The following OSBPL8 variants were observed in gnomAD, a reference collection of about 807,000 sequenced individuals.
OSBPL8 encodes oxysterol binding protein like 8.
A neutral mutation model predicts 125.5 loss-of-function variants in OSBPL8; 59 were observed. The observed-to-expected ratio is 0.47, with a 90% CI of 0.38 to 0.58. The LOEUF is 0.58. Ranked by LOEUF, OSBPL8 falls within the 20% of genes least tolerant of loss-of-function variation. OSBPL8 has a pLI of 0.00. For missense variants in OSBPL8, 758 were observed against 1,047.8 expected (o/e 0.72, Z 3.82); for synonymous variants, 330 against 338.9 (o/e 0.97, Z 0.29).
At chr12:76,504,281 A>G (rs1003771600) in intron 1 of OSBPL8, among the ~76,000 whole-genome samples, 3 of 152,064 alleles carry the variant, frequency 2.0e-5, no homozygotes, top group African/African-American at 7.2e-5. Flanking sequence ...GTTTTTCTAG[A>G]GTACCCTGAC....
Position 76,352,214 on chromosome 12 carries a change from T to A in OSBPL8, c.*3675A>T, listed in dbSNP as rs1471425421. The A allele has an allele frequency of 6.6e-6, 1 of 152,588 alleles. No homozygotes were observed. Among genetic ancestry groups the A allele is most frequent in the African/African-American group, 2.4e-5 (1 of 41,458 alleles). 9.5% of individuals were successfully genotyped at this position (152,588 alleles called of 1,614,324 possible). A position where few individuals can be genotyped will look rare whatever the true frequency, so the allele number is the denominator to read the frequency against. Reference sequence around the variant, plus strand: ...TTTTTCTTTAAGTGAAAAATTTTGATACTGTAAAACAGTTTTACATAATAA... The same window carrying A: ...TTTTTCTTTAAGTGAAAAATTTTGAAACTGTAAAACAGTTTTACATAATAA... On this transcript the variant is annotated 3_prime_UTR_variant, in exon 24 of 24. Coordinates refer to ENST00000261183, the MANE Select transcript of OSBPL8 (RefSeq NM_020841.5).
At chr12:76,442,967 T>A (rs1872359437) in intron 4 of OSBPL8, among the ~76,000 whole-genome samples, 1 of 152,152 alleles carries the variant, frequency 6.6e-6, no homozygotes, top group Non-Finnish European at 1.5e-5. Flanking sequence ...GGATATTGAC[T>A]TATCATATTT....
At chr12:76,386,011 A>G in intron 14 of OSBPL8, 157 bp downstream of exon 14, 1 of 1,004,786 alleles carries the variant, frequency 1.0e-6, no homozygotes, top group Non-Finnish European at 1.4e-6. Flanking sequence ...ATTTAGTAGT[A>G]CTTTAGTAGT....
At chr12:76,545,369 T>A (rs921578318) in intron 1 of OSBPL8, among the ~76,000 whole-genome samples, 5 of 152,154 alleles carry the variant, frequency 3.3e-5, no homozygotes, top group Non-Finnish European at 5.9e-5. Context: ...TAGGAAAAAA[T>A]TAATGAATTT....
rs1466159013 is a variant in OSBPL8 at position 76,539,055 on chromosome 12, G to GGC, written c.-68+20341_-68+20342insGC. On this transcript the variant is annotated intron_variant, in intron 1 of 23. Coordinates refer to ENST00000261183, the MANE Select transcript of OSBPL8 (RefSeq NM_020841.5). ...GAGCCTGCTATTAAATAACTGGGGG[G>GGC]GGGGAGGGGGAGGGTAAGTATCCTG... is the stretch of plus-strand genomic sequence containing the variant. Among the ~76,000 whole-genome samples, 4 of 136,322 alleles carry GGC rather than the reference G, an allele frequency of 2.9e-5. No homozygotes were observed. In the East Asian group the frequency reaches 7.9e-4, roughly 27 times the overall value. The allele number at this position is 136,322 out of a possible 152,430, so 89.4% of individuals were successfully genotyped here. A position where few individuals can be genotyped will look rare whatever the true frequency, so the allele number is the denominator to read the frequency against.
chr12:76,380,528 C>A (rs1397580487), intron 15 of OSBPL8, among the ~76,000 whole-genome samples: 406 of 89,076 alleles, frequency 4.6e-3, no homozygotes, highest in Non-Finnish European at 5.3e-3. Context: ...GACACTGTCC[C>A]AAAAAAAAAA....
chr12:76,424,696 A>T (rs1358608281), intron 4 of OSBPL8, among the ~76,000 whole-genome samples: 1 of 152,166 alleles, frequency 6.6e-6, no homozygotes, highest in East Asian at 1.9e-4. Flanking sequence ...AGTAGTACTG[A>T]TATTATAGGA....
At chr12:76,526,633 CTCTTTTTTTTTTTTT>C (rs1252152774) in intron 1 of OSBPL8, among the ~76,000 whole-genome samples, 110 of 106,608 alleles carry the variant, frequency 1.0e-3, no homozygotes, top group South Asian at 2.5e-3. Flanking sequence ...ATCAGTAAAT[CTCTTTTTTTTTTTTT>C]TTTTTTTTTT....
intron 1 of OSBPL8, among the ~76,000 whole-genome samples, chr12:76,496,721 T>C (rs944142627): frequency 3.3e-5 from 5 of 152,018 alleles, no homozygotes; most frequent in African/African-American, 1.2e-4. Context: ...TTTGTATTTT[T>C]AGTAGAGATG....
chr12:76,507,795 G>C (rs1035044235), intron 1 of OSBPL8, among the ~76,000 whole-genome samples: 2 of 151,700 alleles, frequency 1.3e-5, no homozygotes, highest in East Asian at 3.9e-4. Flanking sequence ...TTGCTCTTCA[G>C]CCTGGGCAAC....
chr12:76,500,189 C>T (rs1879758763), intron 1 of OSBPL8, among the ~76,000 whole-genome samples: 1 of 152,202 alleles, frequency 6.6e-6, no homozygotes, highest in East Asian at 1.9e-4. Flanking sequence ...AATTATTTTG[C>T]TTATACTTGC....
intron 1 of OSBPL8, among the ~76,000 whole-genome samples, chr12:76,490,071 A>G (rs1366764293): frequency 2.6e-5 from 4 of 152,346 alleles, no homozygotes; most frequent in African/African-American, 9.6e-5. Context: ...GAGTCTGAAG[A>G]TGTAACTGAA....
intron 1 of OSBPL8, among the ~76,000 whole-genome samples, chr12:76,539,105 A>G (rs969310146): frequency 9.3e-5 from 14 of 150,630 alleles, no homozygotes; most frequent in Non-Finnish European, 1.8e-4. Context: ...GGTAGGAAGT[A>G]TATTTTGAAC....
At chr12:76,428,003 C>T (rs2136547382) in intron 4 of OSBPL8, among the ~76,000 whole-genome samples, 1 of 152,032 alleles carries the variant, frequency 6.6e-6, no homozygotes, top group Middle Eastern at 3.4e-3. Context: ...TAATTATTTA[C>T]TATGTTTTGG....
intron 6 of OSBPL8, among the ~76,000 whole-genome samples, chr12:76,401,762 C>T (rs1239599690): frequency 6.6e-6 from 1 of 152,032 alleles, no homozygotes; most frequent in Admixed American, 6.6e-5. Context: ...GCTCTCTTTC[C>T]CAATACTAAT....
chr12:76,369,575 G>A, intron 20 of OSBPL8, 62 bp downstream of exon 20: 1 of 1,496,456 alleles, frequency 6.7e-7, no homozygotes, highest in Non-Finnish European at 9.1e-7. Flanking sequence ...AAATATTCTA[G>A]AAATAAAGGC....
intron 4 of OSBPL8, among the ~76,000 whole-genome samples, chr12:76,436,970 C>A (rs890628201): frequency 7.9e-5 from 12 of 151,980 alleles, no homozygotes; most frequent in Non-Finnish European, 1.5e-4. Flanking sequence ...TAATTTGTTT[C>A]GTAAATTCTT....
intron 4 of OSBPL8, among the ~76,000 whole-genome samples, chr12:76,416,411 T>C (rs1170020507): frequency 1.3e-5 from 2 of 152,116 alleles, no homozygotes; most frequent in Non-Finnish European, 2.9e-5. Context: ...GTTCTATATT[T>C]GTCCATTAAC....
chr12:76,503,057 T>A (rs1880064178), intron 1 of OSBPL8, among the ~76,000 whole-genome samples: 1 of 152,224 alleles, frequency 6.6e-6, no homozygotes, highest in Admixed American at 6.5e-5. Flanking sequence ...TTACATTCTC[T>A]TTGGGGAAAA....
Sources: allele counts gnomAD v4.1 joint callset (sites outside exome capture counted in the v4.1 genomes callset), GRCh38; gene constraint gnomAD v4.1.1; transcripts MANE v1.5; gene names NCBI Gene and HGNC (gene_info 2026-07-23, HGNC 2026-07-21).